The following GTF2E2 variants were observed in gnomAD, a reference collection of about 807,000 sequenced individuals.
GTF2E2 encodes the protein transcription initiation factor IIE subunit beta.
In GTF2E2, 21 loss-of-function variants were observed where a neutral mutation model predicts 40.5. The observed-to-expected ratio is 0.52, with a 90% CI of 0.37 to 0.75. GTF2E2 has a LOEUF of 0.75. GTF2E2 is among the 30% of genes least tolerant of loss of function. The pLI, the probability that GTF2E2 is intolerant of heterozygous loss-of-function variation, is 0.00. For synonymous variants in GTF2E2, 117 were observed against 121.6 expected, an observed-to-expected ratio of 0.96 and a Z score of 0.25; for missense variants, 298 against 338.4, an observed-to-expected ratio of 0.88 and a Z score of 0.94.
chr8:30,648,832 CTG>C (rs764131395), intron 2 of GTF2E2, among the ~76,000 whole-genome samples: 2 of 152,170 alleles, frequency 1.3e-5, no homozygotes, highest in African/African-American at 2.4e-5. Context: ...TTTTAAGAAA[CTG>C]AGATTTTTGG....
At chr8:30,655,098 C>T (rs150707136) in intron 1 of GTF2E2, among the ~76,000 whole-genome samples, 4 of 151,644 alleles carry the variant, frequency 2.6e-5, no homozygotes, top group Middle Eastern at 3.4e-3. Context: ...CTACTCAGAA[C>T]GCTGAGACAC....
intron 2 of GTF2E2, among the ~76,000 whole-genome samples, chr8:30,639,904 T>C (rs1187098956): frequency 2.0e-5 from 3 of 152,052 alleles, no homozygotes; most frequent in African/African-American, 7.2e-5. Context: ...TGGGGTTAAT[T>C]ATCTAGAAAC....
chr8:30,594,699 A>G (rs1450974870), intron 6 of GTF2E2, among the ~76,000 whole-genome samples: 3 of 152,046 alleles, frequency 2.0e-5, no homozygotes, highest in African/African-American at 7.2e-5. Flanking sequence ...CTCTACTAAA[A>G]AATACTAAAT....
At chr8:30,650,943 A>G (rs6468446) in intron 2 of GTF2E2, among the ~76,000 whole-genome samples, 144,833 of 151,178 alleles carry the variant, frequency 0.96, 69,445 homozygotes, top group East Asian at 0.99. Flanking sequence ...GAACCCGGGA[A>G]GTGGAGCTTG....
chr8:30,629,688 C>CA (rs10707910), intron 3 of GTF2E2, among the ~76,000 whole-genome samples: 1,552 of 70,864 alleles, frequency 0.022, 48 homozygotes, highest in African/African-American at 0.072. Context: ...GATTCCATCT[C>CA]AAAAAAAAAA....
At chr8:30,630,118 A>C (rs1801399086) in intron 3 of GTF2E2, among the ~76,000 whole-genome samples, 1 of 152,196 alleles carries the variant, frequency 6.6e-6, no homozygotes, top group Non-Finnish European at 1.5e-5. Flanking sequence ...AAAATAAACC[A>C]TAAAGTTCCT....
At chr8:30,631,515 T>C (rs1332864704) in intron 3 of GTF2E2, among the ~76,000 whole-genome samples, 2 of 152,176 alleles carry the variant, frequency 1.3e-5, no homozygotes, top group Non-Finnish European at 2.9e-5. Flanking sequence ...TTAGATTGAG[T>C]GTGCATTACT....
At chr8:30,645,089 T>C (rs1336577027) in intron 2 of GTF2E2, among the ~76,000 whole-genome samples, 3 of 152,154 alleles carry the variant, frequency 2.0e-5, no homozygotes, top group Non-Finnish European at 4.4e-5. Flanking sequence ...AAATAATATA[T>C]GTTAAAAAAC....
chr8:30,585,912 C>A (rs530024697), intron 6 of GTF2E2, among the ~76,000 whole-genome samples: 3 of 151,434 alleles, frequency 2.0e-5, no homozygotes, highest in Non-Finnish European at 4.4e-5. Flanking sequence ...TATAGAGACA[C>A]CATCTCAAAA....
At chr8:30,594,554 TAAAAAA>T (rs1191425204) in intron 6 of GTF2E2, among the ~76,000 whole-genome samples, 4 of 132,904 alleles carry the variant, frequency 3.0e-5, no homozygotes, top group Admixed American at 7.7e-5. Flanking sequence ...AATGGATCTT[TAAAAAA>T]AAAAAAAAAA....
intron 2 of GTF2E2, among the ~76,000 whole-genome samples, chr8:30,635,326 A>G (rs1047120021): frequency 6.6e-6 from 1 of 152,172 alleles, no homozygotes; most frequent in Non-Finnish European, 1.5e-5. Context: ...GAAACAAAGT[A>G]TAAATAACTT....
intron 2 of GTF2E2, among the ~76,000 whole-genome samples, chr8:30,652,650 A>T (rs1416968716): frequency 6.6e-6 from 1 of 152,186 alleles, no homozygotes; most frequent in African/African-American, 2.4e-5. Flanking sequence ...CTATTTTAGC[A>T]GTTTCTTAAC....
chr8:30,580,673 G>A (rs964744550), intron 6 of GTF2E2, among the ~76,000 whole-genome samples: 10 of 152,118 alleles, frequency 6.6e-5, no homozygotes, highest in South Asian at 2.1e-4. Flanking sequence ...TTCCTGGGCC[G>A]TCAACACCCT....
chr8:30,588,877 T>C (rs1828757733), intron 6 of GTF2E2, among the ~76,000 whole-genome samples: 2 of 152,230 alleles, frequency 1.3e-5, no homozygotes, highest in African/African-American at 2.4e-5. Flanking sequence ...GTTTGTGTTG[T>C]TTTAAGCCAT....
chr8:30,579,553 A>C (rs1828448399), intron 7 of GTF2E2, among the ~76,000 whole-genome samples: 1 of 152,226 alleles, frequency 6.6e-6, no homozygotes, highest in African/African-American at 2.4e-5. Context: ...ATTTGTGGAA[A>C]GAGATTGACA....
In GTF2E2 at chr8:30,581,902, C is replaced by T. The variant is rs533798718; in HGVS notation, c.644-1506G>A. 4.5e-4 allele frequency among the ~76,000 whole-genome samples: 69 copies of T among 152,268 alleles called. 1 individual carries two copies. The South Asian group carries it at 0.012, about 26-fold the overall frequency. On this transcript the variant is annotated intron_variant, in intron 6 of 7. Coordinates refer to ENST00000355904, the MANE Select transcript of GTF2E2 (RefSeq NM_002095.6). ...TTTGACTACTGAATGTATGAAACACCATCACTGTCTACTACAGCCTAGACA... is the reference window on the plus strand; with the variant it reads ...TTTGACTACTGAATGTATGAAACACTATCACTGTCTACTACAGCCTAGACA...
chr8:30,655,334 G>C (rs767815856), intron 1 of GTF2E2, among the ~76,000 whole-genome samples: 44 of 152,072 alleles, frequency 2.9e-4, no homozygotes, highest in Non-Finnish European at 4.4e-4. Flanking sequence ...GGAAGCTACA[G>C]GTCAACCAAC....
intron 6 of GTF2E2, among the ~76,000 whole-genome samples, chr8:30,581,025 A>T (rs1413123568): frequency 6.6e-6 from 1 of 152,146 alleles, no homozygotes; most frequent in Non-Finnish European, 1.5e-5. Context: ...CCACATCACT[A>T]TTTTTGCAAC....
intron 3 of GTF2E2, among the ~76,000 whole-genome samples, chr8:30,629,466 C>T (rs2151143144): frequency 6.6e-6 from 1 of 152,188 alleles, no homozygotes; most frequent in African/African-American, 2.4e-5. Context: ...ACGGGCAGAT[C>T]ACAAGGTCAG....
Sources: allele counts gnomAD v4.1 joint callset (sites outside exome capture counted in the v4.1 genomes callset), GRCh38; gene constraint gnomAD v4.1.1; transcripts MANE v1.5; gene names NCBI Gene and HGNC (gene_info 2026-07-23, HGNC 2026-07-21).